The following SH2D3A variants were observed in gnomAD, a reference collection of about 807,000 sequenced individuals.
SH2D3A encodes SH2 domain containing 3A, also known as SH2 domain-containing protein 3A.
Under a neutral mutation model 50.6 loss-of-function variants are expected in SH2D3A, and 46 were observed. The observed-to-expected ratio is 0.91, with a 90% CI of 0.72 to 1.16. The LOEUF is 1.16. SH2D3A is among the 50% of genes most tolerant of loss of function. SH2D3A has a pLI of 0.00. For synonymous variants in SH2D3A, 377 were observed against 348.4 expected, an observed-to-expected ratio of 1.08 and a Z score of -0.91; for missense variants, 783 against 786.2, an observed-to-expected ratio of 1.00 and a Z score of 0.05.
chr19:6,764,387 G>T (rs557546732), intron 1 of SH2D3A: 1 of 151,772 alleles, frequency 6.6e-6, no homozygotes, highest in Non-Finnish European at 1.5e-5. Context: ...TGTCACCATC[G>T]TGCCTGTTCC....
intron 3 of SH2D3A, 79 bp downstream of exon 3, chr19:6,760,555 CAAAA>C: frequency 3.9e-6 from 4 of 1,020,348 alleles, no homozygotes; most frequent in Non-Finnish European, 5.4e-6. Flanking sequence ...GAGACTCAGT[CAAAA>C]AAAAAAAAAG....
Position 6,753,466 on chromosome 19 carries a change from C to T in SH2D3A, c.1560G>A (p.Gln520=), listed in dbSNP as rs1210395097. Residue 520 remains glutamine, a synonymous_variant, in exon 9 of 10, where the codon CAG becomes CAA. Coordinates refer to ENST00000245908, the MANE Select transcript of SH2D3A (RefSeq NM_005490.3). ...AGAGGGAACGCTCACCTCGCAGGCGCTGGGCTGCCACCTTGCGGAATTTGG... is the reference window on the plus strand; with the variant it reads ...AGAGGGAACGCTCACCTCGCAGGCGTTGGGCTGCCACCTTGCGGAATTTGG... ...DAPKFRKVAA[Q]RLRGFRPNPE... The T allele has an allele frequency of 6.6e-7, 1 of 1,512,722 alleles. No homozygotes were observed. Among genetic ancestry groups the T allele is most frequent in the Non-Finnish European group, 8.9e-7 (1 of 1,124,314 alleles). 93.7% of individuals were successfully genotyped at this position (1,512,722 alleles called of 1,614,324 possible).
At position 6,755,289 on chromosome 19, in the gene SH2D3A, A is replaced by G. The variant is rs148524791; in HGVS notation, c.523T>C (p.Leu175=). 108 of 1,517,748 alleles carry G rather than the reference A, an allele frequency of 7.1e-5. No individual in the cohort carries two copies. Among genetic ancestry groups the G allele is most frequent in the Non-Finnish European group, 9.0e-5 (102 of 1,133,290 alleles). 94.0% of individuals were successfully genotyped at this position (1,517,748 alleles called of 1,614,324 possible). The change falls in exon 5 of 10, where the codon TTG becomes CTG. Residue 175 remains leucine, a synonymous_variant. Transcript: ENST00000245908. ...MEASTMPISA[L]PRTSSDPVLL... ...ACCGGGTCACTGCTCGTTCGGGGCAAGGCAGATATGGGCATGGTGGAGGCT... is the reference window on the plus strand; with the variant it reads ...ACCGGGTCACTGCTCGTTCGGGGCAGGGCAGATATGGGCATGGTGGAGGCT...
Position 6,753,645 on chromosome 19 carries a change from C to A in SH2D3A, c.1385-4G>T. 6.4e-7 allele frequency: 1 copy of A among 1,562,210 alleles called. No individual in the cohort carries two copies. The highest frequency in any genetic ancestry group is 2.3e-5 in the East Asian group (1 of 43,754). ...ACCTCGCCGGGGTCGCAGGGTCCTGCGGAGGGGGAGGGTCTGATCAGGGTT... is the reference window on the plus strand; with the variant it reads ...ACCTCGCCGGGGTCGCAGGGTCCTGAGGAGGGGGAGGGTCTGATCAGGGTT... On this transcript the variant is annotated splice_polypyrimidine_tract_variant and splice_region_variant and intron_variant, in intron 8 of 9. Transcript: ENST00000245908.
In SH2D3A at chr19:6,755,155, G is replaced by T. The variant is rs754996769; in HGVS notation, c.657C>A (p.Phe219Leu). The T allele has an allele frequency of 6.2e-7, 1 of 1,609,070 alleles. No homozygotes were observed. Among genetic ancestry groups the T allele is most frequent in the Non-Finnish European group, 8.5e-7 (1 of 1,176,540 alleles). ...APTKPPRTPS[F>L]ELPDASERPP... is the part of the protein sequence containing the mutation. ...GACGTTCAGAGGCATCAGGCAGTTC[G>T]AAGGAGGGTGTCCGGGGGGGCTTCG... Residue 219 changes from phenylalanine (F) to leucine (L), a missense_variant, in exon 5 of 10, where the codon TTC becomes TTA. Transcript: ENST00000245908.
chr19:6,767,227 C>T (rs1199958408), intron 1 of SH2D3A, among the ~76,000 whole-genome samples, 160 bp downstream of exon 1: 1 of 152,162 alleles, frequency 6.6e-6, no homozygotes, highest in African/African-American at 2.4e-5. Flanking sequence ...CCCAGGTGAG[C>T]CCGAGCACAC....
At position 6,753,640 on chromosome 19, in the gene SH2D3A, T is replaced by C; in HGVS notation, c.1386A>G (p.Gly462=). The change falls in exon 9 of 10, where the codon GGA becomes GGG. Residue 462 remains glycine (G), a splice_region_variant and synonymous_variant. Transcript: ENST00000245908. ...PLMRALDEGA[G]PCDPGEVALP... is the part of the protein sequence containing the mutation. Reference sequence around the variant, plus strand: ...GCGCCACCTCGCCGGGGTCGCAGGGTCCTGCGGAGGGGGAGGGTCTGATCA... The same window carrying C: ...GCGCCACCTCGCCGGGGTCGCAGGGCCCTGCGGAGGGGGAGGGTCTGATCA... 1 of 1,567,996 alleles carries C rather than the reference T, an allele frequency of 6.4e-7. No individual in the cohort carries two copies. Among genetic ancestry groups the C allele is most frequent in the Non-Finnish European group, 8.6e-7 (1 of 1,158,560 alleles).
chr19:6,759,549 G>C, intron 4 of SH2D3A, 45 bp downstream of exon 4: 1 of 1,573,594 alleles, frequency 6.4e-7, no homozygotes, highest in Non-Finnish European at 8.7e-7. Flanking sequence ...GTGGTGAGTG[G>C]CAGAGCCAAT....
At position 6,752,511 on chromosome 19, in the gene SH2D3A, G is replaced by A; in HGVS notation, c.*82C>T. The A allele has an allele frequency of 2.3e-6, 3 of 1,306,434 alleles. No individual in the cohort carries two copies. Among genetic ancestry groups the A allele is most frequent in the East Asian group, 2.7e-5 (1 of 37,558 alleles). The allele number at this position is 1,306,434 out of a possible 1,614,324, so 80.9% of individuals were successfully genotyped here. A position where few individuals can be genotyped will look rare whatever the true frequency, so the allele number is the denominator to read the frequency against. ...GGCAGGATTCCACCTGAGGCGCGAGGAGCCTGGGACGACTCCTTTGGTCTC... is the reference window on the plus strand; with the variant it reads ...GGCAGGATTCCACCTGAGGCGCGAGAAGCCTGGGACGACTCCTTTGGTCTC... On this transcript the variant is annotated 3_prime_UTR_variant, in exon 10 of 10. Coordinates refer to ENST00000245908, the MANE Select transcript of SH2D3A (RefSeq NM_005490.3).
chr19:6,762,732 T>G (rs2144637794), intron 2 of SH2D3A, among the ~76,000 whole-genome samples: 1 of 148,200 alleles, frequency 6.7e-6, no homozygotes, highest in Admixed American at 6.8e-5. Context: ...TTGCCCAGAC[T>G]GGTTTGGAAC....
chr19:6,752,800 C>T, intron 9 of SH2D3A, 47 bp from the exon 10 acceptor site: 2 of 1,470,398 alleles, frequency 1.4e-6, no homozygotes, highest in Non-Finnish European at 1.8e-6. Context: ...AGGCGCCCGC[C>T]TCGCCCCTCC....
chr19:6,763,388 A>G (rs1970132267), intron 2 of SH2D3A, among the ~76,000 whole-genome samples: 1 of 152,134 alleles, frequency 6.6e-6, no homozygotes, highest in African/African-American at 2.4e-5. Flanking sequence ...TTAGAGGGAA[A>G]TACCAGGAGG....
rs529175194 is a variant in SH2D3A at position 6,755,278 on chromosome 19, C to T, written c.534G>A (p.Thr178=). 13 of 1,519,868 alleles carry T rather than the reference C, an allele frequency of 8.6e-6. No individual in the cohort carries two copies. Among genetic ancestry groups the T allele is most frequent in the Middle Eastern group, 3.6e-4 (2 of 5,608 alleles). 94.1% of individuals were successfully genotyped at this position (1,519,868 alleles called of 1,614,324 possible). A position where few individuals can be genotyped will look rare whatever the true frequency, so the allele number is the denominator to read the frequency against. ...CCTTCAGCAACACCGGGTCACTGCT[C>T]GTTCGGGGCAAGGCAGATATGGGCA... ...STMPISALPR[T]SSDPVLLKAP... is the part of the protein sequence containing the mutation. The change falls in exon 5 of 10, where the codon ACG becomes ACA. Residue 178 remains threonine, a synonymous_variant. Coordinates refer to ENST00000245908, the MANE Select transcript of SH2D3A (RefSeq NM_005490.3).
chr19:6,764,188 T>C (rs1382641345), intron 1 of SH2D3A: 1 of 154,292 alleles, frequency 6.5e-6, no homozygotes, highest in African/African-American at 2.4e-5. Context: ...CCTCCCAAAG[T>C]GCTGGGATTA....
At chr19:6,752,868 G>A in intron 9 of SH2D3A, 115 bp from the exon 10 acceptor site, 1 of 1,413,758 alleles carries the variant, frequency 7.1e-7, no homozygotes, top group Non-Finnish European at 9.2e-7. Context: ...GGCCCGGGAG[G>A]GACCTGCCCC....
chr19:6,754,537 G>T, intron 6 of SH2D3A, 79 bp downstream of exon 6: 1 of 1,595,918 alleles, frequency 6.3e-7, no homozygotes, highest in Non-Finnish European at 8.5e-7. Flanking sequence ...GGGGAACCAT[G>T]AGTGGGGAGC....
chr19:6,760,860 GCC>G lies in SH2D3A; in HGVS notation c.195_196del (p.Ala66ProfsTer17). On this transcript the variant is annotated frameshift_variant, in exon 3 of 10. Coordinates refer to ENST00000245908, the MANE Select transcript of SH2D3A (RefSeq NM_005490.3). LOFTEE classifies it high-confidence loss of function. Reference sequence around the variant, plus strand: ...GGGTCGGCCTGGCCGGGGACGCAGGGCCACACGGAACACCTCAAAATGGAGGG... The same window carrying G: ...GGGTCGGCCTGGCCGGGGACGCAGGGACACGGAACACCTCAAAATGGAGGG... 3 of 1,614,264 alleles carry G rather than the reference GCC, an allele frequency of 1.9e-6. No homozygotes were observed. The highest frequency in any genetic ancestry group is 1.7e-5 in the Admixed American group (1 of 60,018).
chr19:6,761,822 ACCTGTCATT>A (rs1970033220), intron 2 of SH2D3A, among the ~76,000 whole-genome samples: 1 of 151,882 alleles, frequency 6.6e-6, no homozygotes, highest in Non-Finnish European at 1.5e-5. Context: ...GGTGGTGTGC[ACCTGTCATT>A]CCAGCTACTC....
At chr19:6,762,873 T>C (rs543541504) in intron 2 of SH2D3A, among the ~76,000 whole-genome samples, 58 of 152,020 alleles carry the variant, frequency 3.8e-4, no homozygotes, top group Middle Eastern at 3.4e-3. Flanking sequence ...TCAAATGTCC[T>C]GCCCAAGGTC....
Sources: allele counts gnomAD v4.1 joint callset (sites outside exome capture counted in the v4.1 genomes callset), GRCh38; gene constraint gnomAD v4.1.1; transcripts MANE v1.5; gene names NCBI Gene and HGNC (gene_info 2026-07-23, HGNC 2026-07-21).